Variants in GRM8 observed in about 807,000 individuals in gnomAD.
GRM8 encodes the protein glutamate metabotropic receptor 8, also known as metabotropic glutamate receptor 8.
A neutral mutation model predicts 87.2 loss-of-function variants in GRM8; 47 were observed. That is an observed-to-expected ratio of 0.54 (90% CI 0.43 to 0.69). The LOEUF (loss-of-function observed/expected upper bound fraction) is 0.69, where lower values mean the gene tolerates loss of function less well. Ranked by LOEUF, GRM8 falls within the 30% of genes least tolerant of loss-of-function variation. The pLI is 0.00. For missense variants in GRM8, 1,019 were observed against 1,139.2 expected (o/e 0.89, Z 1.52); for synonymous variants, 396 against 404.5 (o/e 0.98, Z 0.25).
intron 6 of GRM8, among the ~76,000 whole-genome samples, chr7:126,851,902 T>C (rs1179765728): frequency 1.3e-5 from 2 of 152,150 alleles, no homozygotes; most frequent in African/African-American, 2.4e-5. Context: ...CTAACCCCCA[T>C]AGGGACAGGA....
rs1001298428 is a variant in GRM8 at position 127,220,908 on chromosome 7, T to C, written c.510+21787A>G. Reference sequence around the variant, plus strand: ...CAGTCCTTCACATGGTCTTCCTTCTTGTCCCCTTGGTCACCAAGCCATGCA... The same window carrying C: ...CAGTCCTTCACATGGTCTTCCTTCTCGTCCCCTTGGTCACCAAGCCATGCA... On this transcript the variant is annotated intron_variant, in intron 2 of 10. Coordinates refer to ENST00000339582, the MANE Select transcript of GRM8 (RefSeq NM_000845.3). 2.6e-5 allele frequency among the ~76,000 whole-genome samples: 4 copies of C among 152,344 alleles called. No homozygotes were observed. In the East Asian group the frequency reaches 7.7e-4, roughly 29 times the overall value.
intron 9 of GRM8, among the ~76,000 whole-genome samples, chr7:126,478,037 G>GTCA (rs1806203390): frequency 6.6e-6 from 1 of 152,072 alleles, no homozygotes; most frequent in African/African-American, 2.4e-5. Context: ...AAGGACACCT[G>GTCA]TCATTGGATT....
At chr7:126,489,236 T>G (rs1422263102) in intron 9 of GRM8, among the ~76,000 whole-genome samples, 1 of 152,092 alleles carries the variant, frequency 6.6e-6, no homozygotes, top group Non-Finnish European at 1.5e-5. Context: ...AGAAAGTTTT[T>G]TTTTGAAACA....
intron 7 of GRM8, among the ~76,000 whole-genome samples, chr7:126,628,802 T>A (rs1206191880): frequency 6.6e-6 from 1 of 152,088 alleles, no homozygotes; most frequent in Non-Finnish European, 1.5e-5. Flanking sequence ...TAGATGCATA[T>A]TACATTTTTA....
At chr7:127,234,640 A>G (rs561736940) in intron 2 of GRM8, among the ~76,000 whole-genome samples, 1 of 152,178 alleles carries the variant, frequency 6.6e-6, no homozygotes, top group Non-Finnish European at 1.5e-5. Flanking sequence ...CATCAGCATC[A>G]CCTGGGAACC....
At chr7:126,824,857 C>A (rs530931532) in intron 6 of GRM8, among the ~76,000 whole-genome samples, 2 of 152,138 alleles carry the variant, frequency 1.3e-5, no homozygotes, top group African/African-American at 4.8e-5. Flanking sequence ...TCTTTCCTCC[C>A]TAACTCATAT....
chr7:127,036,127 T>G lies in GRM8; in HGVS notation c.727+70369A>C, dbSNP rs181854178. Among the ~76,000 whole-genome samples the G allele has an allele frequency of 3.5e-4, 54 of 152,336 alleles. 1 individual carries two copies. The highest frequency in any genetic ancestry group is 3.1e-3 in the Admixed American group (48 of 15,298). ...TTTCTTGTGAATAATTAACAAGTCA[T>G]AACTATCAGTTGTCCAGTGTTCTAC... On this transcript the variant is annotated intron_variant, in intron 3 of 10. Transcript: ENST00000339582.
chr7:127,172,625 C>G (rs1793877404), intron 2 of GRM8, among the ~76,000 whole-genome samples: 1 of 151,592 alleles, frequency 6.6e-6, no homozygotes, highest in South Asian at 2.1e-4. Flanking sequence ...GGAGAATCAC[C>G]TGAGCCCAGG....
At chr7:126,705,988 C>T (rs117764914) in intron 7 of GRM8, among the ~76,000 whole-genome samples, 2,315 of 151,878 alleles carry the variant, frequency 0.015, 24 homozygotes, top group Non-Finnish European at 0.023. Flanking sequence ...AAATATATCA[C>T]TATGAAATGA....
chr7:126,644,150 T>G (rs1395125345), intron 7 of GRM8, among the ~76,000 whole-genome samples: 3 of 152,226 alleles, frequency 2.0e-5, no homozygotes, highest in Non-Finnish European at 4.4e-5. Context: ...CCTTCAGTGC[T>G]AACTGTGAAT....
chr7:126,865,460 C>A (rs1237708472), intron 6 of GRM8, among the ~76,000 whole-genome samples: 1 of 152,152 alleles, frequency 6.6e-6, no homozygotes, highest in Admixed American at 6.5e-5. Context: ...TTAAAATGAA[C>A]AATTCAATGG....
chr7:126,762,757 T>C (rs1817714714), intron 7 of GRM8, among the ~76,000 whole-genome samples: 2 of 152,012 alleles, frequency 1.3e-5, no homozygotes, highest in African/African-American at 4.8e-5. Flanking sequence ...TTTTTTTCAA[T>C]GAATTACTGT....
At chr7:126,552,698 A>C (rs774997446) in intron 8 of GRM8, among the ~76,000 whole-genome samples, 1 of 152,152 alleles carries the variant, frequency 6.6e-6, no homozygotes, top group African/African-American at 2.4e-5. Flanking sequence ...AATTACATTT[A>C]TTTAAAATGG....
rs377116279 is a variant in GRM8 at position 126,685,393 on chromosome 7, C to A, written c.1358-75895G>T. Among the ~76,000 whole-genome samples the A allele has an allele frequency of 5.3e-5, 8 of 152,120 alleles. No individual in the cohort carries two copies. Among genetic ancestry groups the A allele is most frequent in the Non-Finnish European group, 1.0e-4 (7 of 68,010 alleles). The stretch of plus-strand genomic sequence containing the variant: ...CCCTGGACAAGCGGGAGACCCACCC[C>A]CTCTGAGTTAGCTGGGTGGGAGCTC... On this transcript the variant is annotated intron_variant, in intron 7 of 10. Transcript: ENST00000339582. The surrounding 1 kb of genome is among the most constrained non-coding windows in gnomAD (Gnocchi z 4.2).
chr7:126,895,257 G>C (rs1352522744), intron 6 of GRM8, among the ~76,000 whole-genome samples: 1 of 152,030 alleles, frequency 6.6e-6, no homozygotes, highest in Non-Finnish European at 1.5e-5. Context: ...TTGTTTAGAC[G>C]ATCTTCTGTA....
chr7:126,705,505 T>C (rs1810402152), intron 7 of GRM8, among the ~76,000 whole-genome samples: 3 of 152,144 alleles, frequency 2.0e-5, no homozygotes. Flanking sequence ...AGAATATACA[T>C]AGATCTATGT....
intron 2 of GRM8, among the ~76,000 whole-genome samples, chr7:127,193,263 T>C (rs903042973): frequency 6.6e-6 from 1 of 152,194 alleles, no homozygotes; most frequent in Admixed American, 6.5e-5. Context: ...AACATCATCA[T>C]ACATACAACC....
chr7:126,620,735 G>T (rs1422175078), intron 7 of GRM8, among the ~76,000 whole-genome samples: 1 of 152,080 alleles, frequency 6.6e-6, no homozygotes. Flanking sequence ...CACAATAGAT[G>T]TGCAATGAAC....
chr7:126,773,023 A>T (rs1819018172), intron 6 of GRM8, among the ~76,000 whole-genome samples: 1 of 152,130 alleles, frequency 6.6e-6, no homozygotes, highest in South Asian at 2.1e-4. Context: ...GGGTGGAAAC[A>T]GAAAATAGAA....
Sources: gnomAD v4.1 joint callset for allele counts (sites outside exome capture counted in the v4.1 genomes callset) on GRCh38, gnomAD v4.1.1 for gene constraint, Gnocchi (gnomAD v3.1) non-coding constraint, MANE v1.5 for transcripts, NCBI Gene and HGNC (gene_info 2026-07-23, HGNC 2026-07-21) for gene names.